The following RHOA variants were observed in gnomAD, a reference collection of about 807,000 sequenced individuals.
RHOA encodes the protein ras homolog family member A.
A neutral mutation model predicts 17.5 loss-of-function variants in RHOA; 3 were observed. The ratio of observed to expected loss-of-function variants is 0.17; its 90% CI spans 0.08 to 0.44. RHOA has a LOEUF of 0.44. Among genes scored for constraint, RHOA ranks in the 20% least tolerant of loss-of-function variants. RHOA has a pLI of 0.99. For missense variants in RHOA, 56 were observed against 242.3 expected, an observed-to-expected ratio of 0.23 and a Z score of 5.10; for synonymous variants, 98 against 88.4, an observed-to-expected ratio of 1.11 and a Z score of -0.61.
rs569005552 is a variant in RHOA at position 49,396,805 on chromosome 3, T to A, written c.-3+15015A>T. ...TTCAACACCAGCCCGGGCAACATAG[T>A]GAGACCACATCTTTACTAAAAAAAA... On this transcript the variant is annotated intron_variant, in intron 1 of 4. Transcript: ENST00000418115. 1.9e-4 allele frequency among the ~76,000 whole-genome samples: 29 copies of A among 151,888 alleles called. No homozygotes were observed. In the South Asian group the frequency reaches 6.0e-3, roughly 32 times the overall value.
rs762006336 is a variant in RHOA, at chr3:49,368,542, A to G, written c.163T>C (p.Leu55=). ...TGCCCAGCTGTGTCCCACAAAGCCA[A>G]CTCTACCTGTAATGGGAAAAACAAC... ...DIEVDGKQVE[L]ALWDTAGQED... The change falls in exon 3 of 5, where the codon TTG becomes CTG. Residue 55 remains leucine, a synonymous_variant. Transcript: ENST00000418115. 1.2e-6 allele frequency: 2 copies of G among 1,613,856 alleles called. No individual in the cohort carries two copies. The highest frequency in any genetic ancestry group is 1.3e-5 in the African/African-American group (1 of 74,880).
intron 2 of RHOA, among the ~76,000 whole-genome samples, chr3:49,372,153 C>T (rs2048156274): frequency 1.3e-5 from 2 of 152,170 alleles, no homozygotes; most frequent in African/African-American, 4.8e-5. Flanking sequence ...TGACACCAAT[C>T]CTGAAGATGT....
At chr3:49,383,312 C>T (rs1426203376) in intron 1 of RHOA, among the ~76,000 whole-genome samples, 5 of 147,596 alleles carry the variant, frequency 3.4e-5, no homozygotes, top group African/African-American at 1.3e-4. Flanking sequence ...CCCAGCTACT[C>T]GGGAGGCTGA....
At chr3:49,404,433 A>AACACACACACACACACAC (rs374020319) in intron 1 of RHOA, among the ~76,000 whole-genome samples, 3,813 of 90,726 alleles carry the variant, frequency 0.042, 200 homozygotes, top group Middle Eastern at 0.083. Flanking sequence ...TCTCTAGTAA[A>AACACACACACACACACAC]ACACACACAC....
intron 1 of RHOA, among the ~76,000 whole-genome samples, chr3:49,382,440 T>A (rs190932436): frequency 6.6e-6 from 1 of 151,896 alleles, no homozygotes; most frequent in Admixed American, 6.6e-5. Context: ...TTGGAGACCA[T>A]CCTAAACAAC....
chr3:49,367,342 C>CAAAAAAAAAAAAAAAAAAAAA lies in RHOA; in HGVS notation c.277+1065_277+1085dup, dbSNP rs62926260. ...TGGGAGACAGAGCAAGACTCCCTCT[C>CAAAAAAAAAAAAAAAAAAAAA]AAAAAAAAAAAAAAAAAAAAAAAAG... On this transcript the variant is annotated intron_variant, in intron 3 of 4. Transcript: ENST00000418115. Among the ~76,000 whole-genome samples the CAAAAAAAAAAAAAAAAAAAAA allele has an allele frequency of 3.4e-4, 27 of 80,492 alleles. 1 individual carries two copies. Among genetic ancestry groups the CAAAAAAAAAAAAAAAAAAAAA allele is most frequent in the East Asian group, 2.2e-3 (2 of 892 alleles). The allele number at this position is 80,492 out of a possible 152,430, so 52.8% of individuals were successfully genotyped here.
Position 49,404,182 on chromosome 3 carries a change from A to G in RHOA, c.-3+7638T>C, listed in dbSNP as rs151018478. Reference sequence around the variant, plus strand: ...TGGGCGCAGTGGCACATACACCTGTAGTCCCAGCTACTAGGGAGGACGAGG... The same window carrying G: ...TGGGCGCAGTGGCACATACACCTGTGGTCCCAGCTACTAGGGAGGACGAGG... On this transcript the variant is annotated intron_variant, in intron 1 of 4. Transcript: ENST00000418115. 2.7e-5 allele frequency among the ~76,000 whole-genome samples: 4 copies of G among 147,704 alleles called. No homozygotes were observed. The East Asian group carries it at 7.7e-4, about 29-fold the overall frequency.
At position 49,401,041 on chromosome 3, in the gene RHOA, C is replaced by CAAAAAAAAAAAAAAAAAA. The variant is rs57354041; in HGVS notation, c.-3+10761_-3+10778dup. On this transcript the variant is annotated intron_variant, in intron 1 of 4. Coordinates refer to ENST00000418115, the MANE Select transcript of RHOA (RefSeq NM_001664.4). ...AGCCTGGGCGACAGAGACTCCGTCT[C>CAAAAAAAAAAAAAAAAAA]AAAAAAAAAAAAAAAAAAAAGAGTT... Among the ~76,000 whole-genome samples, 223 of 67,554 alleles carry CAAAAAAAAAAAAAAAAAA rather than the reference C, an allele frequency of 3.3e-3. 10 individuals carry two copies. Among genetic ancestry groups the CAAAAAAAAAAAAAAAAAA allele is most frequent in the Non-Finnish European group, 4.2e-3 (160 of 37,796 alleles). 44.3% of individuals were successfully genotyped at this position (67,554 alleles called of 152,430 possible).
intron 1 of RHOA, among the ~76,000 whole-genome samples, chr3:49,407,957 C>T (rs557183919): frequency 1.1e-4 from 17 of 152,130 alleles, no homozygotes; most frequent in African/African-American, 4.1e-4. Flanking sequence ...GCCAGGAGTT[C>T]GAGAACAGCC....
intron 4 of RHOA, 132 bp from the exon 5 acceptor site, chr3:49,360,514 C>T: frequency 1.1e-6 from 1 of 918,508 alleles, no homozygotes; most frequent in Admixed American, 3.0e-5. Context: ...GTCGCCCAGG[C>T]TGGAGGGCAA....
chr3:49,401,427 T>C (rs1033475088), intron 1 of RHOA, among the ~76,000 whole-genome samples: 3 of 151,860 alleles, frequency 2.0e-5, no homozygotes, highest in Admixed American at 1.3e-4. Context: ...CCATGGCGGA[T>C]GGATCACTTG....
chr3:49,365,502 C>T (rs2048041158), intron 3 of RHOA, among the ~76,000 whole-genome samples: 1 of 151,586 alleles, frequency 6.6e-6, no homozygotes, highest in South Asian at 2.1e-4. Context: ...GAAATTATAC[C>T]AATAGTCTAC....
chr3:49,399,547 A>G (rs1425877663), intron 1 of RHOA, among the ~76,000 whole-genome samples: 2 of 151,756 alleles, frequency 1.3e-5, no homozygotes, highest in Admixed American at 1.3e-4. Flanking sequence ...TGGTATATGT[A>G]TAGACTGTCT....
chr3:49,398,562 G>A (rs926172434), intron 1 of RHOA, among the ~76,000 whole-genome samples: 20 of 151,324 alleles, frequency 1.3e-4, no homozygotes, highest in Admixed American at 1.1e-3. Flanking sequence ...GGTGGCTCAC[G>A]CCTGTAATCC....
At chr3:49,402,013 C>T (rs1175347837) in intron 1 of RHOA, among the ~76,000 whole-genome samples, 1 of 152,154 alleles carries the variant, frequency 6.6e-6, no homozygotes, top group Non-Finnish European at 1.5e-5. Context: ...AGGAATAAGG[C>T]ACATGGTGGT....
intron 1 of RHOA, among the ~76,000 whole-genome samples, chr3:49,404,236 G>A (rs559285392): frequency 3.6e-4 from 53 of 148,704 alleles, no homozygotes; most frequent in African/African-American, 1.2e-3. Flanking sequence ...CCAAAAGTTG[G>A]AGGCCACCAT....
chr3:49,367,769 G>C (rs1468677140), intron 3 of RHOA, among the ~76,000 whole-genome samples: 35 of 151,900 alleles, frequency 2.3e-4, no homozygotes, highest in Non-Finnish European at 1.0e-4. Context: ...TGATCTGCCA[G>C]CCTCGGCCTC....
In RHOA at chr3:49,359,973, C is replaced by G; in HGVS notation, c.*236G>C. 1 of 426,204 alleles carries G rather than the reference C, an allele frequency of 2.3e-6. No individual in the cohort carries two copies. Among genetic ancestry groups the G allele is most frequent in the Non-Finnish European group, 4.2e-6 (1 of 240,678 alleles). The allele number at this position is 426,204 out of a possible 1,614,324, so 26.4% of individuals were successfully genotyped here. A position where few individuals can be genotyped will look rare whatever the true frequency, so the allele number is the denominator to read the frequency against. On this transcript the variant is annotated 3_prime_UTR_variant, in exon 5 of 5. Coordinates refer to ENST00000418115, the MANE Select transcript of RHOA (RefSeq NM_001664.4). Reference sequence around the variant, plus strand: ...TTCCTTGAATTAGCGCCTGGTGTGTCAGGTGGGAGTGCAGAGGAGGGCTGT... The same window carrying G: ...TTCCTTGAATTAGCGCCTGGTGTGTGAGGTGGGAGTGCAGAGGAGGGCTGT...
intron 1 of RHOA, among the ~76,000 whole-genome samples, chr3:49,396,665 C>A (rs2048621538): frequency 6.6e-6 from 1 of 151,998 alleles, no homozygotes. Flanking sequence ...CAAAATCGTA[C>A]CACTGCTCTC....
Sources: gnomAD v4.1 joint callset for allele counts (sites outside exome capture counted in the v4.1 genomes callset) on GRCh38, gnomAD v4.1.1 for gene constraint, MANE v1.5 for transcripts, NCBI Gene and HGNC (gene_info 2026-07-23, HGNC 2026-07-21) for gene names.